The following DSC1 variants were observed in gnomAD, a reference collection of about 807,000 sequenced individuals.
DSC1 encodes desmocollin-1.
A neutral mutation model predicts 98.8 loss-of-function variants in DSC1; 79 were observed. The observed-to-expected ratio is 0.80, with a 90% CI of 0.67 to 0.96. DSC1 has a LOEUF of 0.96. Among genes scored for constraint, DSC1 ranks in the 50% least tolerant of loss-of-function variants. The pLI is 0.00. For missense variants in DSC1, 1,115 were observed against 1,075.9 expected (o/e 1.04, Z -0.51); for synonymous variants, 405 against 372.1 (o/e 1.09, Z -1.02).
At chr18:31,159,663 TACTC>T in intron 1 of DSC1, 134 bp from the exon 2 acceptor site, 1 of 843,446 alleles carries the variant, frequency 1.2e-6, no homozygotes, top group South Asian at 1.8e-5. Context: ...ACATTTTTAA[TACTC>T]ACTTTAAAAG....
chr18:31,143,880 G>T, intron 7 of DSC1, 89 bp from the exon 8 acceptor site: 1 of 925,796 alleles, frequency 1.1e-6, no homozygotes, highest in Non-Finnish European at 1.5e-6. Context: ...CACGATTATT[G>T]TACAAATATT....
intron 7 of DSC1, among the ~76,000 whole-genome samples, chr18:31,144,061 C>A (rs1988792531): frequency 1.3e-5 from 2 of 151,940 alleles, no homozygotes; most frequent in African/African-American, 2.4e-5. Context: ...AGGCGCCCAC[C>A]ACCACACCCA....
At position 31,159,453 on chromosome 18, in the gene DSC1, A is replaced by G; in HGVS notation, c.140T>C (p.Val47Ala). 1.2e-6 allele frequency: 2 copies of G among 1,613,392 alleles called. No homozygotes were observed. The highest frequency in any genetic ancestry group is 8.5e-7 in the Non-Finnish European group (1 of 1,179,598). Residue 47 changes from valine to alanine, a missense_variant, in exon 2 of 16, where the codon GTA becomes GCA. By Grantham distance (64) the Val-to-Ala change is moderately conservative. Coordinates refer to ENST00000257198, the MANE Select transcript of DSC1 (RefSeq NM_024421.2). ...TTAATAGTGTTTCTCACCTTTGCCT[A>G]CAAGTGTTTCAGCCTGAAGATGAGA... is the stretch of plus-strand genomic sequence containing the variant. ...VPSHLQAETLVGKVNLEECLK... is the reference protein window; with the variant it reads ...VPSHLQAETLAGKVNLEECLK...
intron 1 of DSC1, 48 bp downstream of exon 1, chr18:31,162,484 G>A (rs1989227673): frequency 1.9e-6 from 3 of 1,572,700 alleles, no homozygotes; most frequent in Non-Finnish European, 1.8e-6. Context: ...CAGAGAGGAA[G>A]CAGGTAGTAA....
At chr18:31,136,510 A>T (rs575069061) in intron 11 of DSC1, among the ~76,000 whole-genome samples, 1 of 152,270 alleles carries the variant, frequency 6.6e-6, no homozygotes, top group South Asian at 2.1e-4. Flanking sequence ...CATGTTGATA[A>T]AAACAGATGA....
At chr18:31,147,963 C>CTGAATGAA (rs3030288) in intron 6 of DSC1, among the ~76,000 whole-genome samples, 168 of 151,572 alleles carry the variant, frequency 1.1e-3, no homozygotes, top group East Asian at 3.5e-3. Context: ...TAAAAAACCA[C>CTGAATGAA]TGAATGAATG....
At position 31,145,703 on chromosome 18, in the gene DSC1, T is replaced by G. The variant is rs199684665; in HGVS notation, c.847A>C (p.Ile283Leu). The G allele has an allele frequency of 1.2e-5, 20 of 1,614,084 alleles. No homozygotes were observed. The highest frequency in any genetic ancestry group is 1.5e-5 in the Non-Finnish European group (18 of 1,180,046). The change falls in exon 7 of 16, where the codon ATC (isoleucine) becomes CTC (leucine). Residue 283 changes from isoleucine to leucine, a missense_variant. Coordinates refer to ENST00000257198, the MANE Select transcript of DSC1 (RefSeq NM_024421.2). Reference protein sequence around the residue: ...DTLHTRLKYKILQQIPDHPKH... With the variant: ...DTLHTRLKYKLLQQIPDHPKH... The stretch of plus-strand genomic sequence containing the variant: ...GGATGATCTGGGATTTGTTGTAAGA[T>G]TTTATATTTCAGACGAGTATGGAGA...
chr18:31,147,289 T>C (rs937527776), intron 6 of DSC1, among the ~76,000 whole-genome samples: 3 of 152,152 alleles, frequency 2.0e-5, no homozygotes, highest in African/African-American at 7.2e-5. Flanking sequence ...AGATTCAAAT[T>C]ACGTACTGTT....
At chr18:31,156,306 AACAC>A (rs1191641822) in intron 3 of DSC1, 144 bp from the exon 4 acceptor site, 5 of 915,044 alleles carry the variant, frequency 5.5e-6, no homozygotes, top group South Asian at 3.4e-5. Flanking sequence ...CTATTGATAA[AACAC>A]ACACACACAC....
intron 2 of DSC1, among the ~76,000 whole-genome samples, chr18:31,159,047 G>GCTTTTTTTTTTTT (rs1989154691): frequency 1.4e-5 from 1 of 71,098 alleles, no homozygotes; most frequent in Non-Finnish European, 2.5e-5. Flanking sequence ...CTACTATGTG[G>GCTTTTTTTTTTTT]TTTTTTTTTT....
chr18:31,130,452 A>G lies in DSC1; in HGVS notation c.*62T>C. 1 of 1,578,696 alleles carries G rather than the reference A, an allele frequency of 6.3e-7. No homozygotes were observed. Among genetic ancestry groups the G allele is most frequent in the Non-Finnish European group, 8.7e-7 (1 of 1,151,912 alleles). On this transcript the variant is annotated 3_prime_UTR_variant, in exon 16 of 16. Transcript: ENST00000257198. ...AAAAACATTAGCAGATGCTGCTAAC[A>G]TTCTGCAAGTAATAAATTCCTACTT...
At chr18:31,161,311 A>G (rs575655799) in intron 1 of DSC1, among the ~76,000 whole-genome samples, 3 of 152,022 alleles carry the variant, frequency 2.0e-5, no homozygotes, top group Non-Finnish European at 4.4e-5. Flanking sequence ...TCATTGACTG[A>G]GGCATTGTTT....
In DSC1 at chr18:31,134,038, T is replaced by TG; in HGVS notation, c.1968_1969insC (p.Thr657HisfsTer10). 6.2e-7 allele frequency: 1 copy of TG among 1,612,950 alleles called. No individual in the cohort carries two copies. Among genetic ancestry groups the TG allele is most frequent in the Non-Finnish European group, 8.5e-7 (1 of 1,179,648 alleles). On this transcript the variant is annotated frameshift_variant, in exon 13 of 16. Transcript: ENST00000257198. LOFTEE classifies it high-confidence loss of function. ...CATACTCTCACTGTTAACATATGTGTTGCAACTAAACCATGCCTGTCTTTT... is the reference window on the plus strand; with the variant it reads ...CATACTCTCACTGTTAACATATGTGTGTGCAACTAAACCATGCCTGTCTTTT...
chr18:31,139,454 A>G lies in DSC1; in HGVS notation c.1663+294T>C, dbSNP rs368121327. ...GTATGCCACCATTTCCTCAGCAGAA[A>G]TTAATAATATATAGATCATCTTTGA... On this transcript the variant is annotated intron_variant, in intron 11 of 15. Transcript: ENST00000257198. 2.8e-4 allele frequency among the ~76,000 whole-genome samples: 43 copies of G among 152,282 alleles called. 1 individual carries two copies. Among genetic ancestry groups the G allele is most frequent in the East Asian group, 2.5e-3 (13 of 5,190 alleles).
chr18:31,148,321 A>G (rs1013299601), intron 6 of DSC1, among the ~76,000 whole-genome samples, 177 bp downstream of exon 6: 1 of 152,212 alleles, frequency 6.6e-6, no homozygotes, highest in African/African-American at 2.4e-5. Flanking sequence ...AGAGTCAATT[A>G]CCACCCTTAA....
chr18:31,144,073 C>A (rs1464628542), intron 7 of DSC1, among the ~76,000 whole-genome samples: 1 of 152,004 alleles, frequency 6.6e-6, no homozygotes, highest in Non-Finnish European at 1.5e-5. Context: ...CCACACCCAG[C>A]TAATCTTTGT....
intron 14 of DSC1, 97 bp from the exon 15 acceptor site, chr18:31,131,939 G>T: frequency 7.4e-7 from 1 of 1,348,838 alleles, no homozygotes; most frequent in Non-Finnish European, 1.0e-6. Flanking sequence ...CTTGCCTGCT[G>T]TGCCTCTCTG....
rs142776938 is a variant in DSC1, at chr18:31,136,263, T to C, written c.1664-1479A>G. ...TGAATAATATGAAAAAGAGGCCTTATAAAGTAAAAAATTTAGTTGCATACA... is the reference window on the plus strand; with the variant it reads ...TGAATAATATGAAAAAGAGGCCTTACAAAGTAAAAAATTTAGTTGCATACA... On this transcript the variant is annotated intron_variant, in intron 11 of 15. Coordinates refer to ENST00000257198, the MANE Select transcript of DSC1 (RefSeq NM_024421.2). Among the ~76,000 whole-genome samples, 672 of 152,222 alleles carry C rather than the reference T, an allele frequency of 4.4e-3. 8 individuals carry two copies. Among genetic ancestry groups the C allele is most frequent in the African/African-American group, 0.015 (630 of 41,574 alleles).
chr18:31,143,574 GAT>G (rs1988781120), intron 8 of DSC1, 81 bp downstream of exon 8: 2 of 1,105,192 alleles, frequency 1.8e-6, no homozygotes, highest in South Asian at 2.6e-5. Flanking sequence ...CAAACTTTGT[GAT>G]CTCACAGAGC....
Sources: gnomAD v4.1 joint callset for allele counts (sites outside exome capture counted in the v4.1 genomes callset) on GRCh38, gnomAD v4.1.1 for gene constraint, MANE v1.5 for transcripts, NCBI Gene and HGNC (gene_info 2026-07-23, HGNC 2026-07-21) for gene names.